Variants in SEMA6D observed in about 807,000 individuals in gnomAD.
SEMA6D encodes the protein semaphorin 6D, also known as semaphorin-6D.
Under a neutral mutation model 106.6 loss-of-function variants are expected in SEMA6D, and 35 were observed. The ratio of observed to expected loss-of-function variants is 0.33; its 90% CI spans 0.25 to 0.44. The LOEUF is 0.44. Among genes scored for constraint, SEMA6D ranks in the 20% least tolerant of loss-of-function variants. SEMA6D has a pLI of 1.00. For missense variants in SEMA6D, 1,185 were observed against 1,345.9 expected (o/e 0.88, Z 1.87); for synonymous variants, 499 against 487.7 (o/e 1.02, Z -0.31).
chr15:47,314,597 C>CAAAAAAAAAAAAAAAA (rs764929520), intron 1 of SEMA6D, among the ~76,000 whole-genome samples: 62 of 24,234 alleles, frequency 2.6e-3, no homozygotes, highest in Non-Finnish European at 4.6e-3. Flanking sequence ...GACTCCATCT[C>CAAAAAAAAAAAAAAAA]AAAAAAAAAA....
chr15:47,203,421 C>T (rs7170366), intron 1 of SEMA6D, among the ~76,000 whole-genome samples: 21 of 152,100 alleles, frequency 1.4e-4, no homozygotes, highest in East Asian at 3.9e-4. Context: ...ACCACACCCA[C>T]GCAGATTTTT....
At chr15:47,445,859 T>A (rs2042012127) in intron 2 of SEMA6D, among the ~76,000 whole-genome samples, 1 of 152,020 alleles carries the variant, frequency 6.6e-6, no homozygotes, top group African/African-American at 2.4e-5. Context: ...TTCAAAAGGT[T>A]GTGTTCAAAA....
intron 1 of SEMA6D, among the ~76,000 whole-genome samples, chr15:47,257,029 T>G (rs2033838295): frequency 6.6e-6 from 1 of 151,668 alleles, no homozygotes; most frequent in East Asian, 1.9e-4. Flanking sequence ...CTTTCAGTAT[T>G]AGGTAGAATA....
chr15:47,487,074 CAA>C (rs763093921), intron 3 of SEMA6D, among the ~76,000 whole-genome samples: 4 of 152,244 alleles, frequency 2.6e-5, no homozygotes, highest in African/African-American at 9.6e-5. Flanking sequence ...ATATTTAAAT[CAA>C]AGTGTGATTT....
chr15:47,374,556 A>G (rs544889981), intron 1 of SEMA6D, among the ~76,000 whole-genome samples: 10 of 152,224 alleles, frequency 6.6e-5, no homozygotes, highest in African/African-American at 2.4e-4. Context: ...CCTCCTGTCT[A>G]GAAAGCCCCT....
intron 1 of SEMA6D, among the ~76,000 whole-genome samples, chr15:47,327,314 T>C (rs540529718): frequency 9.8e-5 from 15 of 152,356 alleles, no homozygotes; most frequent in African/African-American, 3.4e-4. Context: ...GTGCCAAGCA[T>C]TGATAAGCAT....
chr15:47,290,638 AC>A (rs2035558781), intron 1 of SEMA6D, among the ~76,000 whole-genome samples: 1 of 151,876 alleles, frequency 6.6e-6, no homozygotes, highest in African/African-American at 2.4e-5. Flanking sequence ...ATACACACAC[AC>A]ACACATATAT....
intron 1 of SEMA6D, among the ~76,000 whole-genome samples, chr15:47,278,014 G>A (rs2034917912): frequency 6.6e-6 from 1 of 151,904 alleles, no homozygotes; most frequent in Admixed American, 6.6e-5. Flanking sequence ...GTCTATCATT[G>A]TTGGACATTT....
Position 47,743,162 on chromosome 15 carries a change from C to A in SEMA6D, c.-54-16583C>A, listed in dbSNP as rs532419968. Among the ~76,000 whole-genome samples the A allele has an allele frequency of 3.2e-4, 49 of 152,312 alleles. 1 individual carries two copies. In the South Asian group the frequency reaches 1.0e-2, roughly 31 times the overall value. On this transcript the variant is annotated intron_variant, in intron 1 of 18. Transcript: ENST00000536845. ...TCCTATATGTCCTTCCCAACAATTT[C>A]AAAATCAAGGGAAGTCCAGATCTCA...
intron 3 of SEMA6D, among the ~76,000 whole-genome samples, chr15:47,506,337 T>C (rs1456696781): frequency 1.3e-5 from 2 of 152,152 alleles, no homozygotes; most frequent in Non-Finnish European, 2.9e-5. Flanking sequence ...CGTGTCTTCA[T>C]GTTAGACTTT....
intron 4 of SEMA6D, among the ~76,000 whole-genome samples, chr15:47,691,162 A>C (rs1316094131): frequency 6.6e-6 from 1 of 152,192 alleles, no homozygotes; most frequent in African/African-American, 2.4e-5. Context: ...CACTTTGATC[A>C]CTTGGTTAAA....
intron 3 of SEMA6D, among the ~76,000 whole-genome samples, chr15:47,588,875 C>G (rs572779840): frequency 1.3e-5 from 2 of 152,208 alleles, no homozygotes; most frequent in South Asian, 2.1e-4. Context: ...GTTTGTCTGC[C>G]AAGGGGACAC....
intron 2 of SEMA6D, among the ~76,000 whole-genome samples, chr15:47,469,299 GGTGTGTGT>G (rs71299525): frequency 1.3e-5 from 2 of 149,368 alleles, no homozygotes; most frequent in South Asian, 2.1e-4. Context: ...GTTGCTTTAA[GGTGTGTGT>G]GTGTGTGTGT....
intron 3 of SEMA6D, among the ~76,000 whole-genome samples, chr15:47,531,796 T>A (rs2044980608): frequency 6.6e-6 from 1 of 152,206 alleles, no homozygotes; most frequent in African/African-American, 2.4e-5. Context: ...ATGCCTATAA[T>A]TATTTATTCA....
chr15:47,387,081 C>G (rs180794215), intron 1 of SEMA6D, among the ~76,000 whole-genome samples: 1 of 152,282 alleles, frequency 6.6e-6, no homozygotes, highest in Non-Finnish European at 1.5e-5. Flanking sequence ...ATCAGAATAA[C>G]TCAAAGTCAG....
chr15:47,752,873 G>A (rs1426679167), intron 1 of SEMA6D, among the ~76,000 whole-genome samples: 4 of 151,676 alleles, frequency 2.6e-5, no homozygotes, highest in African/African-American at 9.7e-5. Context: ...GCTGGACGTG[G>A]TGGTGCACGC....
At chr15:47,402,526 G>A (rs949241844) in intron 1 of SEMA6D, among the ~76,000 whole-genome samples, 2 of 152,176 alleles carry the variant, frequency 1.3e-5, no homozygotes, top group African/African-American at 2.4e-5. Context: ...TTTCAAATTC[G>A]TAAAGGATAT....
intron 1 of SEMA6D, among the ~76,000 whole-genome samples, chr15:47,329,521 G>T (rs1399972207): frequency 6.6e-6 from 1 of 152,170 alleles, no homozygotes; most frequent in African/African-American, 2.4e-5. Context: ...GAATATTTTA[G>T]CTTAAGTAGA....
intron 18 of SEMA6D, among the ~76,000 whole-genome samples, chr15:47,769,313 C>A (rs10851459): frequency 0.21 from 32,291 of 151,882 alleles, 3,961 homozygotes; most frequent in South Asian, 0.28. Context: ...ATATATTACT[C>A]TAGGAAAAAA....
Sources: allele counts gnomAD v4.1 joint callset (sites outside exome capture counted in the v4.1 genomes callset), GRCh38; gene constraint gnomAD v4.1.1; transcripts MANE v1.5; gene names NCBI Gene and HGNC (gene_info 2026-07-23, HGNC 2026-07-21).